TSPAN4: variants seen among roughly 807,000 people sequenced by gnomAD.
The protein encoded by TSPAN4 is tetraspanin-4.
TSPAN4 carries 38 observed loss-of-function variants against 31.5 expected under a neutral mutation model. The ratio of observed to expected loss-of-function variants is 1.21; its 90% CI spans 0.93 to 1.58. The LOEUF is 1.58. TSPAN4 is among the 40% of genes most tolerant of loss of function. TSPAN4 has a pLI of 0.00. For missense variants in TSPAN4, 330 were observed against 317.3 expected (o/e 1.04, Z -0.30); for synonymous variants, 186 against 144.6 (o/e 1.29, Z -2.06).
rs780286953 is a variant in TSPAN4 at position 862,659 on chromosome 11, T to C, written c.173T>C (p.Ile58Thr). ...TCCCTGTCGGCTGCCAACTTGCTCATCATCACCGGCGCCTTTGTCATGGCC... is the reference window on the plus strand; with the variant it reads ...TCCCTGTCGGCTGCCAACTTGCTCACCATCACCGGCGCCTTTGTCATGGCC... ...FPSLSAANLL[I>T]ITGAFVMAIG... is the part of the protein sequence containing the mutation. Residue 58 changes from isoleucine to threonine, a missense_variant, in exon 4 of 9, where the codon ATC (isoleucine) becomes ACC (threonine). Coordinates refer to ENST00000397397, the MANE Select transcript of TSPAN4 (RefSeq NM_003271.5). The C allele has an allele frequency of 6.2e-7, 1 of 1,613,340 alleles. No homozygotes were observed. Among genetic ancestry groups the C allele is most frequent in the Non-Finnish European group, 8.5e-7 (1 of 1,179,882 alleles).
At chr11:864,299 C>A in intron 4 of TSPAN4, 138 bp from the exon 5 acceptor site, 1 of 1,066,118 alleles carries the variant, frequency 9.4e-7, no homozygotes, top group Non-Finnish European at 1.4e-6. Context: ...GTTCTGGGCT[C>A]TCTGGGAGTG....
chr11:843,980 G>A (rs1847136364), intron 1 of TSPAN4: 1 of 152,394 alleles, frequency 6.6e-6, no homozygotes, highest in Non-Finnish European at 1.5e-5. Flanking sequence ...CCAGGGCCCT[G>A]GGCAGCTTCC....
At chr11:854,853 T>C (rs1847960657) in intron 3 of TSPAN4, among the ~76,000 whole-genome samples, 1 of 152,150 alleles carries the variant, frequency 6.6e-6, no homozygotes, top group South Asian at 2.1e-4. Context: ...TCCCCAAGGG[T>C]GGCAGAGGGC....
chr11:843,897 C>T (rs549697221), intron 1 of TSPAN4, among the ~76,000 whole-genome samples: 7 of 152,268 alleles, frequency 4.6e-5, no homozygotes, highest in African/African-American at 1.7e-4. Context: ...AGGAGGAGGA[C>T]GAAGGGTTTT....
chr11:850,072 C>T (rs1847575494), intron 2 of TSPAN4: 1 of 392,770 alleles, frequency 2.5e-6, no homozygotes, highest in Admixed American at 4.7e-5. Context: ...CGGCGCAGCC[C>T]CTCTCCGGAG....
intron 3 of TSPAN4, among the ~76,000 whole-genome samples, chr11:854,379 C>T (rs1847929366): frequency 6.6e-6 from 1 of 152,200 alleles, no homozygotes; most frequent in Non-Finnish European, 1.5e-5. Context: ...GTTCTGCCCT[C>T]CTTGAGGCCT....
chr11:858,706 AC>A, intron 3 of TSPAN4: 1 of 141,612 alleles, frequency 7.1e-6, no homozygotes, highest in Non-Finnish European at 1.5e-5. Context: ...GCTCACATGC[AC>A]CCCGGTTCCC....
intron 3 of TSPAN4, among the ~76,000 whole-genome samples, chr11:852,232 T>G (rs889070843): frequency 3.3e-5 from 5 of 152,218 alleles, no homozygotes; most frequent in South Asian, 4.1e-4. Context: ...CAAGCGATTC[T>G]CATGCCTCAG....
At chr11:860,060 A>G (rs920713329) in intron 3 of TSPAN4, among the ~76,000 whole-genome samples, 15 of 152,164 alleles carry the variant, frequency 9.9e-5, no homozygotes, top group South Asian at 2.1e-4. Context: ...CCAGGAGCCA[A>G]TGGCTCAGCA....
chr11:850,979 T>A (rs1465775801), intron 3 of TSPAN4, among the ~76,000 whole-genome samples: 1 of 152,238 alleles, frequency 6.6e-6, no homozygotes, highest in Non-Finnish European at 1.5e-5. Flanking sequence ...TTCCCGCGCC[T>A]CCGGCAGCAG....
At chr11:862,884 C>A in intron 4 of TSPAN4, 143 bp downstream of exon 4, 2 of 906,504 alleles carry the variant, frequency 2.2e-6, no homozygotes, top group Non-Finnish European at 1.6e-6. Flanking sequence ...CAGTGTGGCC[C>A]GGGGCCCTGG....
rs561379281 is a variant in TSPAN4 at position 861,628 on chromosome 11, C to T, written c.64-922C>T. On this transcript the variant is annotated intron_variant, in intron 3 of 8. Coordinates refer to ENST00000397397, the MANE Select transcript of TSPAN4 (RefSeq NM_003271.5). Reference sequence around the variant, plus strand: ...TCGGGAGGCTGAGGCAGGAGAATGGCGTGAACCCGGGAGGCGGAGGTTGCA... The same window carrying T: ...TCGGGAGGCTGAGGCAGGAGAATGGTGTGAACCCGGGAGGCGGAGGTTGCA... Among the ~76,000 whole-genome samples, 247 of 152,210 alleles carry T rather than the reference C, an allele frequency of 1.6e-3. 1 individual carries two copies. The highest frequency in any genetic ancestry group is 5.7e-3 in the African/African-American group (235 of 41,538).
At chr11:858,527 C>A in intron 3 of TSPAN4, 1 of 173,206 alleles carries the variant, frequency 5.8e-6, no homozygotes, top group Non-Finnish European at 1.2e-5. Flanking sequence ...ATCCCACCCC[C>A]GCTGACACTC....
chr11:856,472 CCCAG>C (rs1328547769), intron 3 of TSPAN4, among the ~76,000 whole-genome samples: 2 of 152,242 alleles, frequency 1.3e-5, no homozygotes, highest in Middle Eastern at 3.2e-3. Context: ...GGGCTGTTCC[CCCAG>C]CTGCCATCAT....
At chr11:844,754 A>T (rs1847207025) in intron 1 of TSPAN4, among the ~76,000 whole-genome samples, 1 of 149,316 alleles carries the variant, frequency 6.7e-6, no homozygotes, top group African/African-American at 2.5e-5. Flanking sequence ...CGCTGGTTTT[A>T]TAGAAGGGGG....
intron 2 of TSPAN4, among the ~76,000 whole-genome samples, chr11:849,633 G>C (rs954764161): frequency 2.0e-5 from 3 of 151,984 alleles, no homozygotes; most frequent in Admixed American, 6.5e-5. Context: ...CGCGAAGGTG[G>C]GGGGGCTGGG....
chr11:862,826 G>A, intron 4 of TSPAN4, 85 bp downstream of exon 4: 3 of 1,385,070 alleles, frequency 2.2e-6, no homozygotes, highest in Non-Finnish European at 2.9e-6. Flanking sequence ...CTGCCGCAGT[G>A]ACCCCCCAGA....
At chr11:862,483 GC>G in intron 3 of TSPAN4, 66 bp from the exon 4 acceptor site, 1 of 1,440,180 alleles carries the variant, frequency 6.9e-7, no homozygotes, top group East Asian at 2.4e-5. Flanking sequence ...GCCGGGCTCT[GC>G]CCTGGGGTCC....
chr11:853,501 G>T (rs1214977093), intron 3 of TSPAN4, among the ~76,000 whole-genome samples: 1 of 152,200 alleles, frequency 6.6e-6, no homozygotes, highest in Non-Finnish European at 1.5e-5. Context: ...TTACAGCGTT[G>T]GTTCGGATTT....
Sources: allele counts gnomAD v4.1 joint callset (sites outside exome capture counted in the v4.1 genomes callset), GRCh38; gene constraint gnomAD v4.1.1; transcripts MANE v1.5; gene names NCBI Gene and HGNC (gene_info 2026-07-23, HGNC 2026-07-21).